The following FAH variants were observed in gnomAD, a reference collection of about 807,000 sequenced individuals.
FAH encodes the protein fumarylacetoacetate hydrolase, also known as fumarylacetoacetase.
FAH carries 47 observed loss-of-function variants against 55.8 expected under a neutral mutation model. The ratio of observed to expected loss-of-function variants is 0.84; its 90% confidence interval spans 0.67 to 1.07. The LOEUF is 1.07. FAH is among the 50% of genes least tolerant of loss of function. FAH has a pLI of 0.00. For synonymous variants in FAH, 199 were observed against 207.7 expected, an observed-to-expected ratio of 0.96 and a Z score of 0.36; for missense variants, 495 against 545.9, an observed-to-expected ratio of 0.91 and a Z score of 0.93.
At chr15:80,183,551 C>T (rs2041347249) in intron 13 of FAH, among the ~76,000 whole-genome samples, 1 of 152,218 alleles carries the variant, frequency 6.6e-6, no homozygotes, top group Non-Finnish European at 1.5e-5. Context: ...CACATGGTTT[C>T]TTCAGCTCTT....
intron 13 of FAH, among the ~76,000 whole-genome samples, chr15:80,183,331 G>C (rs965492041): frequency 3.9e-5 from 6 of 152,374 alleles, no homozygotes; most frequent in African/African-American, 1.4e-4. Context: ...ATTTCATACA[G>C]AAGGGGACCA....
At position 80,168,140 on chromosome 15, in the gene FAH, C is replaced by A; in HGVS notation, c.544C>A (p.Pro182Thr). 6.2e-7 allele frequency: 1 copy of A among 1,614,046 alleles called. No homozygotes were observed. Among genetic ancestry groups the A allele is most frequent in the Non-Finnish European group, 8.5e-7 (1 of 1,179,938 alleles). Reference sequence around the variant, plus strand: ...CCGAAGGCCCATGGGACAGATGAAACCTGATGACTGTGAGTGACCGCAGCG... The same window carrying A: ...CCGAAGGCCCATGGGACAGATGAAAACTGATGACTGTGAGTGACCGCAGCG... ...PIRRPMGQMK[P>T]DDSKPPVYGA... Residue 182 changes from proline (P) to threonine (T), a missense_variant, in exon 6 of 14, where the codon CCT becomes ACT. Physicochemically the swap from Pro to Thr is conservative, Grantham distance 38. Coordinates refer to ENST00000561421, the MANE Select transcript of FAH (RefSeq NM_000137.4).
At chr15:80,172,113 C>A in intron 7 of FAH, 36 bp from the exon 8 acceptor site, 1 of 1,493,772 alleles carries the variant, frequency 6.7e-7, no homozygotes, top group Non-Finnish European at 9.3e-7. Flanking sequence ...GGCGGCAGAT[C>A]AGCTCCAGAT....
intron 9 of FAH, chr15:80,173,768 C>G (rs2041260271): frequency 5.8e-6 from 1 of 172,814 alleles, no homozygotes; most frequent in Admixed American, 5.5e-5. Context: ...CTCTTGTTGG[C>G]ATTCCCTCAC....
chr15:80,164,599 C>G (rs563954260), intron 5 of FAH, among the ~76,000 whole-genome samples: 2 of 152,186 alleles, frequency 1.3e-5, no homozygotes, highest in Non-Finnish European at 2.9e-5. Flanking sequence ...TTCCATAGGC[C>G]GGTATGAGCA....
At chr15:80,169,726 G>C (rs1462889198) in intron 7 of FAH, among the ~76,000 whole-genome samples, 1 of 152,030 alleles carries the variant, frequency 6.6e-6, no homozygotes, top group Non-Finnish European at 1.5e-5. Flanking sequence ...GTAGAGACAG[G>C]GTTTCACCAT....
At chr15:80,171,201 G>A (rs1043520849) in intron 7 of FAH, among the ~76,000 whole-genome samples, 28 of 151,822 alleles carry the variant, frequency 1.8e-4, no homozygotes, top group Admixed American at 1.7e-3. Flanking sequence ...CCATTAAGTC[G>A]TCATTTAGCA....
chr15:80,172,957 C>T (rs1420317432), intron 8 of FAH, 57 bp from the exon 9 acceptor site: 2 of 1,613,058 alleles, frequency 1.2e-6, no homozygotes, highest in African/African-American at 1.3e-5. Flanking sequence ...AGGAGGGGGT[C>T]GTTGGGAGAT....
intron 7 of FAH, among the ~76,000 whole-genome samples, chr15:80,168,651 T>A (rs1192354249): frequency 1.3e-5 from 2 of 152,258 alleles, no homozygotes; most frequent in African/African-American, 2.4e-5. Context: ...GACAAGGTGT[T>A]ACTCTGCCTT....
At chr15:80,175,728 C>T (rs760431082) in intron 10 of FAH, among the ~76,000 whole-genome samples, 1 of 152,258 alleles carries the variant, frequency 6.6e-6, no homozygotes, top group Non-Finnish European at 1.5e-5. Context: ...TGCTGCTCAG[C>T]TGTGGGACTT....
intron 11 of FAH, 63 bp from the exon 12 acceptor site, chr15:80,180,061 T>G: frequency 1.7e-6 from 2 of 1,165,756 alleles, no homozygotes; most frequent in Non-Finnish European, 2.5e-6. Flanking sequence ...TGTGCCCAGC[T>G]GCCTCCGGGA....
chr15:80,181,535 T>A (rs1327809391), intron 13 of FAH, among the ~76,000 whole-genome samples: 1 of 152,142 alleles, frequency 6.6e-6, no homozygotes, highest in African/African-American at 2.4e-5. Context: ...CGCAGCAGCC[T>A]GTTCCAAGGA....
At chr15:80,182,315 A>G (rs1173740592) in intron 13 of FAH, among the ~76,000 whole-genome samples, 1 of 152,198 alleles carries the variant, frequency 6.6e-6, no homozygotes. Flanking sequence ...GGTAACATTC[A>G]CAGGTCCTAG....
At chr15:80,176,024 T>G (rs2041281069) in intron 10 of FAH, among the ~76,000 whole-genome samples, 1 of 152,082 alleles carries the variant, frequency 6.6e-6, no homozygotes, top group African/African-American at 2.4e-5. Context: ...TTTCTTCTTT[T>G]TTTTTCCCCC....
chr15:80,176,838 G>C (rs2041288339), intron 10 of FAH, among the ~76,000 whole-genome samples: 1 of 152,240 alleles, frequency 6.6e-6, no homozygotes, highest in Non-Finnish European at 1.5e-5. Flanking sequence ...TTGCAGTTCT[G>C]ATGTTCTGAG....
At chr15:80,182,368 CA>C (rs1411634847) in intron 13 of FAH, among the ~76,000 whole-genome samples, 7 of 152,190 alleles carry the variant, frequency 4.6e-5, no homozygotes, top group African/African-American at 1.4e-4. Context: ...TCTTGGAGAG[CA>C]AAGTTTAGTC....
At chr15:80,155,631 G>T (rs920590992) in intron 1 of FAH, among the ~76,000 whole-genome samples, 1 of 152,102 alleles carries the variant, frequency 6.6e-6, no homozygotes, top group Non-Finnish European at 1.5e-5. Context: ...GAACAGCTGG[G>T]CCCGGGGCAC....
intron 5 of FAH, among the ~76,000 whole-genome samples, chr15:80,165,613 T>C (rs2041185317): frequency 6.6e-6 from 1 of 151,202 alleles, no homozygotes; most frequent in Non-Finnish European, 1.5e-5. Flanking sequence ...GAGAATCACT[T>C]GAACCTCGGA....
At chr15:80,186,575 G>T, downstream of FAH, 1 of 331,884 alleles carries the variant, frequency 3.0e-6, no homozygotes, top group Non-Finnish European at 5.8e-6. Context: ...TAGAACCAAG[G>T]AGAAAGAGAT....
Sources: gnomAD v4.1 joint callset for allele counts (sites outside exome capture counted in the v4.1 genomes callset) on GRCh38, gnomAD v4.1.1 for gene constraint, MANE v1.5 for transcripts, NCBI Gene and HGNC (gene_info 2026-07-23, HGNC 2026-07-21) for gene names.